BRD3: variants seen among roughly 807,000 people sequenced by gnomAD.
BRD3 encodes bromodomain containing 3.
BRD3 carries 17 observed loss-of-function variants against 66.8 expected under a neutral mutation model. The ratio of observed to expected loss-of-function variants is 0.25; its 90% CI spans 0.17 to 0.38. The LOEUF (loss-of-function observed/expected upper bound fraction) is 0.38. Among genes scored for constraint, BRD3 ranks in the 10% least tolerant of loss-of-function variants. The pLI is 1.00. For missense variants in BRD3, 713 were observed against 956.1 expected (o/e 0.75, Z 3.35); for synonymous variants, 421 against 393.2 (o/e 1.07, Z -0.84).
At chr9:134,041,659 A>AC (rs35250030) in intron 8 of BRD3, 101 bp downstream of exon 8, 533,068 of 1,402,732 alleles carry the variant, frequency 0.38, 106,040 homozygotes, top group Admixed American at 0.44. Context: ...GCTGAGGGAC[A>AC]GGGGCAGAGG....
intron 1 of BRD3, among the ~76,000 whole-genome samples, chr9:134,063,322 C>T (rs1360401840): frequency 6.6e-6 from 1 of 152,228 alleles, no homozygotes; most frequent in East Asian, 1.9e-4. Context: ...CCCTTGCCTC[C>T]TACCCAGCCC....
At position 134,048,338 on chromosome 9, in the gene BRD3, G is replaced by A; in HGVS notation, c.831C>T (p.Ala277=). The change falls in exon 6 of 12, where the codon GCC becomes GCT. Residue 277 remains alanine, a synonymous_variant. Coordinates refer to ENST00000303407, the MANE Select transcript of BRD3 (RefSeq NM_007371.4). Reference sequence around the variant, plus strand: ...TGGGGCGGCCACCACTCTCCCGCCGGGCCACCACTTTGGCCTGCTTGGGGT... The same window carrying A: ...TGGGGCGGCCACCACTCTCCCGCCGAGCCACCACTTTGGCCTGCTTGGGGT... ...LSDPKQAKVV[A]RRESGGRPIK... 6.3e-7 allele frequency: 1 copy of A among 1,599,252 alleles called. No individual in the cohort carries two copies. The highest frequency in any genetic ancestry group is 8.5e-7 in the Non-Finnish European group (1 of 1,179,576).
At chr9:134,052,908 C>CT (rs1830334504) in intron 2 of BRD3, among the ~76,000 whole-genome samples, 1 of 152,208 alleles carries the variant, frequency 6.6e-6, no homozygotes, top group African/African-American at 2.4e-5. Context: ...CACTCGGCCT[C>CT]TAACTCCAAG....
At chr9:134,034,611 T>A (rs1843569288) in intron 11 of BRD3, 90 bp downstream of exon 11, 2 of 1,535,326 alleles carry the variant, frequency 1.3e-6, no homozygotes, top group African/African-American at 1.4e-5. Context: ...TAAGCCACAC[T>A]CAGACGTGGG....
chr9:134,064,270 G>C (rs546260259), intron 1 of BRD3, among the ~76,000 whole-genome samples: 2 of 152,186 alleles, frequency 1.3e-5, no homozygotes, highest in Admixed American at 6.5e-5. Flanking sequence ...GCTCACACCT[G>C]TAATCTCAGC....
At position 134,033,535 on chromosome 9, in the gene BRD3, C is replaced by T. The variant is rs199922240; in HGVS notation, c.*55G>A. ...TAGTAATATGAACCACAGAGGGGTACGGCAGAGTCTCGGCGTGTGCGACAT... is the reference window on the plus strand; with the variant it reads ...TAGTAATATGAACCACAGAGGGGTATGGCAGAGTCTCGGCGTGTGCGACAT... On this transcript the variant is annotated 3_prime_UTR_variant, in exon 12 of 12. Transcript: ENST00000303407. This position sits in a 1 kb window ranked among gnomAD's most constrained non-coding sequence, Gnocchi z 5.1. 3.2e-5 allele frequency: 22 copies of T among 694,524 alleles called. No homozygotes were observed. The highest frequency in any genetic ancestry group is 1.0e-4 in the African/African-American group (6 of 57,212). 43.0% of individuals were successfully genotyped at this position (694,524 alleles called of 1,614,324 possible).
At chr9:134,034,520 T>C in intron 11 of BRD3, 181 bp downstream of exon 11, 3 of 836,832 alleles carry the variant, frequency 3.6e-6, no homozygotes, top group Non-Finnish European at 5.4e-6. Context: ...AGGGTTGGGG[T>C]ATGACCCCCA....
At chr9:134,066,497 C>A (rs1443997087) in intron 1 of BRD3, among the ~76,000 whole-genome samples, 1 of 151,976 alleles carries the variant, frequency 6.6e-6, no homozygotes, top group African/African-American at 2.4e-5. Context: ...CTACTTTCCC[C>A]AGAAAAATGC....
chr9:134,053,682 C>G, intron 1 of BRD3, 92 bp from the exon 2 acceptor site: 1 of 1,200,412 alleles, frequency 8.3e-7, no homozygotes, highest in Non-Finnish European at 1.1e-6. Flanking sequence ...GGGCACCTGT[C>G]GGGCCTCAGC....
At chr9:134,064,074 G>A (rs1001523518) in intron 1 of BRD3, among the ~76,000 whole-genome samples, 3 of 152,206 alleles carry the variant, frequency 2.0e-5, no homozygotes, top group East Asian at 1.9e-4. Flanking sequence ...CCACAGACTG[G>A]TGCGAGACGC....
chr9:134,044,460 G>A (rs1830125390), intron 7 of BRD3, among the ~76,000 whole-genome samples: 1 of 152,152 alleles, frequency 6.6e-6, no homozygotes, highest in African/African-American at 2.4e-5. Flanking sequence ...TGGGTCCCGT[G>A]AAAAGGAAAA....
At chr9:134,039,988 G>C (rs199792492) in intron 9 of BRD3, 46 bp downstream of exon 9, 2 of 1,548,488 alleles carry the variant, frequency 1.3e-6, no homozygotes, top group Non-Finnish European at 1.7e-6. Flanking sequence ...CCCCCATGGC[G>C]TGCTGAGCGC....
intron 9 of BRD3, among the ~76,000 whole-genome samples, chr9:134,038,132 A>AG: frequency 6.6e-6 from 1 of 152,300 alleles, no homozygotes; most frequent in African/African-American, 2.4e-5. Context: ...AAAACAGAAG[A>AG]GGGGCAACAC....
chr9:134,042,250 C>G (rs1162394848), intron 7 of BRD3, among the ~76,000 whole-genome samples: 3 of 152,178 alleles, frequency 2.0e-5, no homozygotes, highest in Admixed American at 6.5e-5. Flanking sequence ...ATCCTTGTAG[C>G]CTCCTGGCCC....
At chr9:134,058,071 G>C (rs1255145558) in intron 1 of BRD3, 2 of 152,318 alleles carry the variant, frequency 1.3e-5, no homozygotes, top group Non-Finnish European at 2.9e-5. Context: ...TCCACCCCCA[G>C]CTGACCTCGC....
rs1223890885 is a variant in BRD3 at position 134,033,650 on chromosome 9, G to A, written c.2121C>T (p.Ser707=). ...GGPSRLSSSS[S]SESGSSSSSG... is the part of the protein sequence containing the mutation. ...TGGAGCTGCTGCTCCCAGACTCGGA[G>A]GAGCTGCTGCTGCTGAGCCTGGACG... The change falls in exon 12 of 12, where the codon TCC becomes TCT. Residue 707 remains serine, a synonymous_variant. Coordinates refer to ENST00000303407, the MANE Select transcript of BRD3 (RefSeq NM_007371.4). This position sits in a 1 kb window ranked among gnomAD's most constrained non-coding sequence, Gnocchi z 5.1. 1 of 770,474 alleles carries A rather than the reference G, an allele frequency of 1.3e-6. No homozygotes were observed. Among genetic ancestry groups the A allele is most frequent in the East Asian group, 2.4e-5 (1 of 41,038 alleles). 47.7% of individuals were successfully genotyped at this position (770,474 alleles called of 1,614,324 possible).
chr9:134,046,627 G>A (rs898857089), intron 6 of BRD3, among the ~76,000 whole-genome samples: 8 of 152,170 alleles, frequency 5.3e-5, no homozygotes, highest in South Asian at 2.1e-4. Flanking sequence ...AGCATGTGCC[G>A]GGATAAACCA....
intron 2 of BRD3, among the ~76,000 whole-genome samples, chr9:134,052,991 G>A (rs370457513): frequency 7.2e-5 from 11 of 152,302 alleles, no homozygotes; most frequent in African/African-American, 2.4e-4. Flanking sequence ...AGTGAGCCTC[G>A]ACTCCTAAGC....
rs561589170 is a variant in BRD3, at chr9:134,035,741, C to T, written c.1936+291G>A. On this transcript the variant is annotated intron_variant, in intron 10 of 11. Coordinates refer to ENST00000303407, the MANE Select transcript of BRD3 (RefSeq NM_007371.4). Reference sequence around the variant, plus strand: ...GGGCCGGAGCCCAGCCCCAGAGTCGCGCACTCCTTGGACAAGGTTAAGGCC... The same window carrying T: ...GGGCCGGAGCCCAGCCCCAGAGTCGTGCACTCCTTGGACAAGGTTAAGGCC... 6.6e-5 allele frequency among the ~76,000 whole-genome samples: 10 copies of T among 152,356 alleles called. No homozygotes were observed. In the East Asian group the frequency reaches 9.7e-4, roughly 15 times the overall value.
Sources: gnomAD v4.1 joint callset for allele counts (sites outside exome capture counted in the v4.1 genomes callset) on GRCh38, gnomAD v4.1.1 for gene constraint, Gnocchi (gnomAD v3.1) non-coding constraint, MANE v1.5 for transcripts, NCBI Gene and HGNC (gene_info 2026-07-23, HGNC 2026-07-21) for gene names.